The following ARHGAP44 variants were observed in gnomAD, a reference collection of about 807,000 sequenced individuals.
The protein encoded by ARHGAP44 is rho GTPase-activating protein 44.
In ARHGAP44, 43 loss-of-function variants were observed where a neutral mutation model predicts 106.8. That is an observed-to-expected ratio of 0.40 (90% CI 0.32 to 0.52). The LOEUF is 0.52. Ranked by LOEUF, ARHGAP44 falls within the 20% of genes least tolerant of loss-of-function variation. The probability of loss-of-function intolerance (pLI) is 0.48; values close to 1 mark genes in which losing one functional copy is unlikely to be tolerated. For missense variants in ARHGAP44, 866 were observed against 1,050.5 expected, an observed-to-expected ratio of 0.82 and a Z score of 2.43; for synonymous variants, 439 against 410.3, an observed-to-expected ratio of 1.07 and a Z score of -0.85.
chr17:12,935,355 C>T (rs1414423982), intron 7 of ARHGAP44, among the ~76,000 whole-genome samples: 4 of 152,030 alleles, frequency 2.6e-5, no homozygotes, highest in Admixed American at 2.0e-4. Flanking sequence ...GGGTGGATCA[C>T]CTGAGGTTAG....
At chr17:12,895,997 G>T (rs2037190527) in intron 2 of ARHGAP44, among the ~76,000 whole-genome samples, 1 of 151,308 alleles carries the variant, frequency 6.6e-6, no homozygotes, top group Non-Finnish European at 1.5e-5. Context: ...GCAAACTATT[G>T]CAAGGACAGA....
At chr17:12,911,645 T>A (rs2037741358) in intron 4 of ARHGAP44, among the ~76,000 whole-genome samples, 1 of 152,138 alleles carries the variant, frequency 6.6e-6, no homozygotes, top group African/African-American at 2.4e-5. Context: ...CCCAACCACA[T>A]GTCTAGGAAC....
chr17:12,841,639 C>CCCACACAAAAAAAAAA (rs2035408005), intron 1 of ARHGAP44, among the ~76,000 whole-genome samples: 1 of 137,398 alleles, frequency 7.3e-6, no homozygotes, highest in African/African-American at 2.9e-5. Context: ...CACACACACA[C>CCCACACAAAAAAAAAA]AAACAAACAA....
intron 1 of ARHGAP44, among the ~76,000 whole-genome samples, chr17:12,806,470 T>G (rs140076799): frequency 6.6e-6 from 1 of 152,316 alleles, no homozygotes; most frequent in Non-Finnish European, 1.5e-5. Context: ...AGAGTGATCA[T>G]GTAATTAATA....
In ARHGAP44 at chr17:12,961,460, C is replaced by T. The variant is rs571261678; in HGVS notation, c.1523+2563C>T. Among the ~76,000 whole-genome samples, 5 of 152,298 alleles carry T rather than the reference C, an allele frequency of 3.3e-5. No individual in the cohort carries two copies. The South Asian group carries it at 8.3e-4, about 25-fold the overall frequency. On this transcript the variant is annotated intron_variant, in intron 16 of 20. Transcript: ENST00000379672. ...TATTAAATGTTAAATTCAGGCCGGG[C>T]GTGGTGGCTCACACCTGTAATCCCA... is the stretch of plus-strand genomic sequence containing the variant.
At chr17:12,961,434 G>A (rs1182127224) in intron 16 of ARHGAP44, among the ~76,000 whole-genome samples, 1 of 152,182 alleles carries the variant, frequency 6.6e-6, no homozygotes, top group African/African-American at 2.4e-5. Flanking sequence ...TTCAAAATGT[G>A]TATTAAATGT....
intron 1 of ARHGAP44, among the ~76,000 whole-genome samples, chr17:12,793,975 C>A (rs184640920): frequency 3.6e-4 from 55 of 152,152 alleles, no homozygotes; most frequent in African/African-American, 1.3e-3. Context: ...GCTCCTGATA[C>A]CATGTTTCTT....
At chr17:12,987,013 T>A in intron 20 of ARHGAP44, 1 of 1,285,262 alleles carries the variant, frequency 7.8e-7, no homozygotes, top group Admixed American at 2.2e-5. Flanking sequence ...ACTGTGATAT[T>A]GGCATAGCTT....
At chr17:12,841,592 T>TCA (rs1259461588) in intron 1 of ARHGAP44, among the ~76,000 whole-genome samples, 8 of 118,818 alleles carry the variant, frequency 6.7e-5, no homozygotes, top group Non-Finnish European at 1.3e-4. Flanking sequence ...TCTGTCTCTC[T>TCA]CTCACACACA....
At chr17:12,901,495 A>G (rs925847821) in intron 3 of ARHGAP44, among the ~76,000 whole-genome samples, 27 of 152,258 alleles carry the variant, frequency 1.8e-4, no homozygotes, top group African/African-American at 5.8e-4. Context: ...GATGGGAACA[A>G]TTTCAGTGAG....
intron 7 of ARHGAP44, 61 bp from the exon 8 acceptor site, chr17:12,940,995 T>C: frequency 1.4e-6 from 2 of 1,432,944 alleles, no homozygotes. Context: ...TGTTGACTTA[T>C]GCATTAGCCA....
chr17:12,853,728 A>T (rs934533386), intron 1 of ARHGAP44, among the ~76,000 whole-genome samples: 17 of 152,336 alleles, frequency 1.1e-4, no homozygotes, highest in African/African-American at 4.1e-4. Flanking sequence ...TTTCTCTGTT[A>T]TCAGGGCGGC....
At chr17:12,815,364 G>T (rs1398612382) in intron 1 of ARHGAP44, among the ~76,000 whole-genome samples, 1 of 152,174 alleles carries the variant, frequency 6.6e-6, no homozygotes, top group African/African-American at 2.4e-5. Context: ...GCCAATAAAA[G>T]TGTATTGTGT....
chr17:12,903,304 A>G (rs1209079108), intron 3 of ARHGAP44, among the ~76,000 whole-genome samples: 2 of 152,102 alleles, frequency 1.3e-5, no homozygotes, highest in Non-Finnish European at 2.9e-5. Context: ...TGTCAGATTG[A>G]CTATATCGAA....
intron 14 of ARHGAP44, 55 bp from the exon 15 acceptor site, chr17:12,956,600 A>T (rs1005740825): frequency 2.6e-6 from 4 of 1,529,628 alleles, no homozygotes; most frequent in Non-Finnish European, 3.6e-6. Context: ...CATGGGCCTC[A>T]AAGCTTGCCT....
intron 1 of ARHGAP44, among the ~76,000 whole-genome samples, chr17:12,867,631 G>A (rs2036270895): frequency 6.6e-6 from 1 of 152,138 alleles, no homozygotes; most frequent in African/African-American, 2.4e-5. Flanking sequence ...AGAACATTAG[G>A]CTGGCAAAAG....
chr17:12,972,771 C>T (rs929135334), intron 16 of ARHGAP44, among the ~76,000 whole-genome samples: 5 of 151,402 alleles, frequency 3.3e-5, no homozygotes, highest in Non-Finnish European at 5.9e-5. Context: ...ATGCCATTCT[C>T]CTGCCTCAGC....
At chr17:12,938,599 A>AAAAAAAAC (rs1567697712) in intron 7 of ARHGAP44, among the ~76,000 whole-genome samples, 1 of 151,428 alleles carries the variant, frequency 6.6e-6, no homozygotes, top group Non-Finnish European at 1.5e-5. Context: ...AAAAAAAAAA[A>AAAAAAAAC]AAAACAGCTG....
At chr17:12,864,018 G>A (rs2036165789) in intron 1 of ARHGAP44, among the ~76,000 whole-genome samples, 1 of 152,198 alleles carries the variant, frequency 6.6e-6, no homozygotes, top group Non-Finnish European at 1.5e-5. Flanking sequence ...TCACAGTATG[G>A]TGGTGGGGTT....
Sources: gnomAD v4.1 joint callset for allele counts (sites outside exome capture counted in the v4.1 genomes callset) on GRCh38, gnomAD v4.1.1 for gene constraint, MANE v1.5 for transcripts, NCBI Gene and HGNC (gene_info 2026-07-23, HGNC 2026-07-21) for gene names.